Variants in BNC2 observed in about 807,000 individuals in gnomAD.
The protein encoded by BNC2 is basonuclin zinc finger protein 2, also known as zinc finger protein basonuclin-2.
A neutral mutation model predicts 76.3 loss-of-function variants in BNC2; 20 were observed. The observed-to-expected ratio is 0.26, with a 90% CI of 0.18 to 0.38. The LOEUF (loss-of-function observed/expected upper bound fraction) is 0.38. BNC2 is among the 10% of genes least tolerant of loss of function. The pLI is 1.00. For missense variants in BNC2, 1,382 were observed against 1,399.8 expected, an observed-to-expected ratio of 0.99 and a Z score of 0.20; for synonymous variants, 582 against 514.8, an observed-to-expected ratio of 1.13 and a Z score of -1.77.
intron 1 of BNC2, among the ~76,000 whole-genome samples, chr9:16,786,333 GA>G (rs1252982479): frequency 1.3e-5 from 2 of 152,088 alleles, no homozygotes; most frequent in African/African-American, 2.4e-5. Context: ...GGAGAATGGT[GA>G]CCATGGTGCA....
rs59888253 is a variant in BNC2 at position 16,732,162 on chromosome 9, A to AAAAAAAAAAG, written c.130-4166_130-4165insCTTTTTTTTT. Among the ~76,000 whole-genome samples the AAAAAAAAAAG allele has an allele frequency of 6.5e-5, 8 of 123,586 alleles. 1 individual carries two copies. The highest frequency in any genetic ancestry group is 8.5e-5 in the Non-Finnish European group (5 of 58,674). The allele number at this position is 123,586 out of a possible 152,430, so 81.1% of individuals were successfully genotyped here. On this transcript the variant is annotated intron_variant, in intron 2 of 6. Coordinates refer to ENST00000380672, the MANE Select transcript of BNC2 (RefSeq NM_017637.6). Reference sequence around the variant, plus strand: ...GTTTTTCCCTCCATTTCCTGCAAAAAAAAAAGAAAAAGAAACAAAAAAGAA... The same window carrying AAAAAAAAAAG: ...GTTTTTCCCTCCATTTCCTGCAAAAAAAAAAAAAAGAAAAAGAAAAAGAAACAAAAAAGAA...
chr9:16,524,333 T>C (rs1817725083), intron 5 of BNC2, among the ~76,000 whole-genome samples: 1 of 152,122 alleles, frequency 6.6e-6, no homozygotes, highest in South Asian at 2.1e-4. Context: ...CTCATTTGCC[T>C]AGGTCGTTAG....
rs543859163 is a variant in BNC2 at position 16,812,422 on chromosome 9, G to A, written c.3+58224C>T. 5.3e-5 allele frequency among the ~76,000 whole-genome samples: 8 copies of A among 152,298 alleles called. No individual in the cohort carries two copies. In the South Asian group the frequency reaches 1.7e-3, roughly 32 times the overall value. ...GGTCTCGTATCAAAAAGAAAGCAAG[G>A]CCAGACGCCAGCTCCAAACCCATCT... On this transcript the variant is annotated intron_variant, in intron 1 of 6. Coordinates refer to ENST00000380672, the MANE Select transcript of BNC2 (RefSeq NM_017637.6).
chr9:16,740,466 A>G (rs1021852320), intron 1 of BNC2, among the ~76,000 whole-genome samples: 3 of 152,222 alleles, frequency 2.0e-5, no homozygotes, highest in Non-Finnish European at 2.9e-5. Context: ...TGTGGCTAAA[A>G]TATTTTATTA....
chr9:16,712,738 A>T (rs943472905), intron 3 of BNC2, among the ~76,000 whole-genome samples: 1 of 152,356 alleles, frequency 6.6e-6, no homozygotes, highest in East Asian at 1.9e-4. Context: ...CAGGTGTTTA[A>T]AAGAAATAAA....
intron 5 of BNC2, among the ~76,000 whole-genome samples, chr9:16,517,086 G>C (rs1478925811): frequency 6.6e-6 from 1 of 152,204 alleles, no homozygotes; most frequent in Non-Finnish European, 1.5e-5. Flanking sequence ...CTGAGGTTTT[G>C]AGGACTAACA....
chr9:16,710,680 C>T (rs1264431733), intron 3 of BNC2, among the ~76,000 whole-genome samples: 1 of 152,146 alleles, frequency 6.6e-6, no homozygotes, highest in Non-Finnish European at 1.5e-5. Flanking sequence ...TCTGTCCCAT[C>T]CAAGCCACCC....
At chr9:16,847,671 A>G (rs549686110) in intron 1 of BNC2, among the ~76,000 whole-genome samples, 64 of 152,330 alleles carry the variant, frequency 4.2e-4, no homozygotes, top group South Asian at 1.9e-3. Flanking sequence ...AACCATAACC[A>G]TTGAGCAAGG....
intron 1 of BNC2, among the ~76,000 whole-genome samples, chr9:16,823,581 C>A (rs1315562144): frequency 4.8e-5 from 7 of 146,926 alleles, no homozygotes. Context: ...CTAGCCTGGG[C>A]AACAGAGTGA....
intron 3 of BNC2, among the ~76,000 whole-genome samples, chr9:16,655,934 T>C (rs1587279309): frequency 6.6e-6 from 1 of 152,148 alleles, no homozygotes. Flanking sequence ...AGAATGAAGA[T>C]GGACACGTGT....
chr9:16,622,466 T>A (rs1211284186), intron 3 of BNC2, among the ~76,000 whole-genome samples: 1 of 152,174 alleles, frequency 6.6e-6, no homozygotes, highest in African/African-American at 2.4e-5. Context: ...AAGCAATGAA[T>A]CGAGTTGCTT....
chr9:16,484,945 C>G (rs558872138), intron 5 of BNC2, among the ~76,000 whole-genome samples: 54 of 152,304 alleles, frequency 3.5e-4, no homozygotes, highest in African/African-American at 1.0e-3. Flanking sequence ...AACCTGGTAT[C>G]AGGGAGCTTG....
intron 3 of BNC2, among the ~76,000 whole-genome samples, chr9:16,687,210 A>C (rs1192020478): frequency 6.6e-6 from 1 of 152,060 alleles, no homozygotes; most frequent in Non-Finnish European, 1.5e-5. Context: ...ATTTAATTTT[A>C]AAAAAAAATG....
chr9:16,707,579 A>G (rs1225810653), intron 3 of BNC2, among the ~76,000 whole-genome samples: 1 of 152,232 alleles, frequency 6.6e-6, no homozygotes, highest in Admixed American at 6.5e-5. Flanking sequence ...ACTCTGGGAT[A>G]CATCACTAAA....
In BNC2 at chr9:16,417,848, G is replaced by C. The variant is rs1820617201; in HGVS notation, c.*1141C>G. The stretch of plus-strand genomic sequence containing the variant: ...ATGTAACTTAACGTATAAGCAAGAA[G>C]GATGCAATGTTGATTCTAATAACAT... On this transcript the variant is annotated 3_prime_UTR_variant, in exon 7 of 7. Transcript: ENST00000380672. 1.3e-5 allele frequency: 2 copies of C among 152,612 alleles called. No homozygotes were observed. The highest frequency in any genetic ancestry group is 4.1e-4 in the South Asian group (2 of 4,830). The allele number at this position is 152,612 out of a possible 1,614,324, so 9.5% of individuals were successfully genotyped here.
At chr9:16,660,714 T>C (rs1247461634) in intron 3 of BNC2, among the ~76,000 whole-genome samples, 2 of 151,864 alleles carry the variant, frequency 1.3e-5, no homozygotes, top group African/African-American at 4.8e-5. Context: ...TCTGCATCCA[T>C]GAATTCAACC....
chr9:16,851,942 T>TA (rs1479136395), intron 1 of BNC2, among the ~76,000 whole-genome samples: 3 of 152,148 alleles, frequency 2.0e-5, no homozygotes, highest in Non-Finnish European at 4.4e-5. Context: ...GGATGAATAT[T>TA]AAATAAAACA....
At chr9:16,843,237 A>G (rs987678824) in intron 1 of BNC2, among the ~76,000 whole-genome samples, 1 of 152,260 alleles carries the variant, frequency 6.6e-6, no homozygotes, top group African/African-American at 2.4e-5. Flanking sequence ...TCCAAAGCCA[A>G]TACTCTTTAA....
intron 3 of BNC2, among the ~76,000 whole-genome samples, chr9:16,664,303 C>G (rs980194043): frequency 6.6e-6 from 1 of 152,154 alleles, no homozygotes; most frequent in African/African-American, 2.4e-5. Context: ...TATTTTGTTG[C>G]TCAGAGGCAT....
Sources: gnomAD v4.1 joint callset for allele counts (sites outside exome capture counted in the v4.1 genomes callset) on GRCh38, gnomAD v4.1.1 for gene constraint, MANE v1.5 for transcripts, NCBI Gene and HGNC (gene_info 2026-07-23, HGNC 2026-07-21) for gene names.